Variants in KIAA1958 observed in about 807,000 individuals in gnomAD.
KIAA1958 encodes the protein uncharacterized protein KIAA1958.
A neutral mutation model predicts 47.2 loss-of-function variants in KIAA1958; 14 were observed. The ratio of observed to expected loss-of-function variants is 0.30; its 90% CI spans 0.20 to 0.46. The LOEUF (loss-of-function observed/expected upper bound fraction) is 0.46, where lower values mean the gene tolerates loss of function less well. KIAA1958 is among the 20% of genes least tolerant of loss of function. The pLI, the probability that KIAA1958 is intolerant of heterozygous loss-of-function variation, is 1.00. For missense variants in KIAA1958, 803 were observed against 909.2 expected (o/e 0.88, Z 1.50); for synonymous variants, 354 against 353.3 (o/e 1.00, Z -0.02).
intron 2 of KIAA1958, among the ~76,000 whole-genome samples, chr9:112,614,586 C>T (rs1836379653): frequency 1.3e-5 from 2 of 152,176 alleles, no homozygotes; most frequent in African/African-American, 4.8e-5. Context: ...CTATTTCTTT[C>T]CCTCTTACTC....
intron 2 of KIAA1958, among the ~76,000 whole-genome samples, chr9:112,641,117 C>A (rs796126250): frequency 2.0e-5 from 3 of 152,198 alleles, no homozygotes; most frequent in African/African-American, 7.2e-5. Flanking sequence ...GTCTTATACC[C>A]TGTATCTTCC....
intron 3 of KIAA1958, among the ~76,000 whole-genome samples, chr9:112,652,944 C>G (rs1353495612): frequency 1.3e-5 from 2 of 152,150 alleles, no homozygotes. Context: ...TAGTGCCAAT[C>G]ATGTATTTCG....
chr9:112,637,680 C>A (rs1469312649), intron 2 of KIAA1958, among the ~76,000 whole-genome samples: 1 of 151,996 alleles, frequency 6.6e-6, no homozygotes, highest in Non-Finnish European at 1.5e-5. Flanking sequence ...CTGGCCTTAC[C>A]TTTATTTTTG....
At chr9:112,584,679 T>C (rs1480260883) in intron 2 of KIAA1958, among the ~76,000 whole-genome samples, 1 of 152,248 alleles carries the variant, frequency 6.6e-6, no homozygotes, top group Non-Finnish European at 1.5e-5. Flanking sequence ...AAAATGTCTG[T>C]TATCTATGCA....
intron 2 of KIAA1958, among the ~76,000 whole-genome samples, chr9:112,635,215 TGTGTGTG>T (rs1170474757): frequency 3.4e-4 from 1 of 2,980 alleles, no homozygotes; most frequent in Non-Finnish European, 1.8e-3. Flanking sequence ...TTCTTTATTT[TGTGTGTG>T]TGTGTGTGTG....
At chr9:112,571,162 A>G (rs1227198870) in intron 1 of KIAA1958, among the ~76,000 whole-genome samples, 1 of 152,116 alleles carries the variant, frequency 6.6e-6, no homozygotes, top group East Asian at 1.9e-4. Flanking sequence ...TTACAGACAC[A>G]CCCCCAAATA....
intron 2 of KIAA1958, among the ~76,000 whole-genome samples, chr9:112,632,200 T>C (rs1041239700): frequency 6.6e-6 from 1 of 152,124 alleles, no homozygotes; most frequent in Admixed American, 6.5e-5. Context: ...ATCGTTTTAT[T>C]TTTCATATAA....
intron 1 of KIAA1958, among the ~76,000 whole-genome samples, chr9:112,508,789 C>T (rs2132775958): frequency 6.6e-6 from 1 of 150,514 alleles, no homozygotes; most frequent in African/African-American, 2.4e-5. Flanking sequence ...TACCATAAAG[C>T]TGATTGTGTA....
chr9:112,646,394 CTG>C (rs1322445045), intron 3 of KIAA1958, among the ~76,000 whole-genome samples: 1 of 152,184 alleles, frequency 6.6e-6, no homozygotes, highest in African/African-American at 2.4e-5. Context: ...AGGGAAAACA[CTG>C]TGACCATAAA....
intron 1 of KIAA1958, among the ~76,000 whole-genome samples, chr9:112,537,929 T>C (rs1287890327): frequency 6.6e-6 from 1 of 151,748 alleles, no homozygotes; most frequent in East Asian, 1.9e-4. Context: ...CCAACACAAA[T>C]AGAGGGAAGA....
intron 1 of KIAA1958, among the ~76,000 whole-genome samples, chr9:112,487,527 C>T (rs955077441): frequency 2.0e-5 from 3 of 152,250 alleles, no homozygotes; most frequent in East Asian, 1.9e-4. Context: ...AAAGGTCTGT[C>T]CTCTTAGTTT....
At chr9:112,615,145 G>A (rs1836389009) in intron 2 of KIAA1958, among the ~76,000 whole-genome samples, 1 of 152,254 alleles carries the variant, frequency 6.6e-6, no homozygotes, top group Non-Finnish European at 1.5e-5. Context: ...GAGGAGGCCG[G>A]GCATGGTGGC....
Position 112,641,284 on chromosome 9 carries a change from T to C in KIAA1958, c.1172-4366T>C, listed in dbSNP as rs537232830. Among the ~76,000 whole-genome samples, 22 of 152,034 alleles carry C rather than the reference T, an allele frequency of 1.4e-4. No individual in the cohort carries two copies. In the South Asian group the frequency reaches 2.5e-3, roughly 17 times the overall value. On this transcript the variant is annotated intron_variant, in intron 2 of 3. Transcript: ENST00000337530. ...TGCTTTAGGTAGGTAATAAATTTCT[T>C]CATTTACAGTCTTTTTCCCTTACAA...
intron 1 of KIAA1958, among the ~76,000 whole-genome samples, chr9:112,538,007 A>C (rs1467883631): frequency 6.6e-6 from 1 of 152,122 alleles, no homozygotes; most frequent in African/African-American, 2.4e-5. Flanking sequence ...TTATTAGGCT[A>C]AATGTGAGCA....
Position 112,664,865 on chromosome 9 carries a change from C to T in KIAA1958, c.*4796C>T, listed in dbSNP as rs1484991909. On this transcript the variant is annotated 3_prime_UTR_variant, in exon 4 of 4. Transcript: ENST00000337530. ...GTCTGATATGTGTATTCTGACATAA[C>T]AGAATTTCCCAAGACTTCTTTGAGG... 1 of 152,160 alleles carries T rather than the reference C, an allele frequency of 6.6e-6. No individual in the cohort carries two copies. The highest frequency in any genetic ancestry group is 1.5e-5 in the Non-Finnish European group (1 of 68,030). The allele number at this position is 152,160 out of a possible 1,614,324, so 9.4% of individuals were successfully genotyped here.
chr9:112,638,434 C>G (rs947180294), intron 2 of KIAA1958, among the ~76,000 whole-genome samples: 1 of 151,888 alleles, frequency 6.6e-6, no homozygotes, highest in Non-Finnish European at 1.5e-5. Flanking sequence ...CCCAGGAGCA[C>G]GAGGCTGCAA....
chr9:112,657,219 C>T (rs962212096), intron 3 of KIAA1958, among the ~76,000 whole-genome samples: 45 of 152,224 alleles, frequency 3.0e-4, no homozygotes, highest in African/African-American at 9.1e-4. Flanking sequence ...TCCCAAGTAG[C>T]TGGGACTGGA....
At chr9:112,538,637 A>C (rs550937337) in intron 1 of KIAA1958, among the ~76,000 whole-genome samples, 1 of 152,362 alleles carries the variant, frequency 6.6e-6, no homozygotes, top group East Asian at 1.9e-4. Flanking sequence ...ATCAAGTATC[A>C]TATCAGGCAA....
At chr9:112,510,272 T>G (rs141495589) in intron 1 of KIAA1958, among the ~76,000 whole-genome samples, 1 of 152,156 alleles carries the variant, frequency 6.6e-6, no homozygotes, top group Non-Finnish European at 1.5e-5. Context: ...TTGTGAAGAT[T>G]AAGTGAATCA....
Sources: allele counts gnomAD v4.1 joint callset (sites outside exome capture counted in the v4.1 genomes callset), GRCh38; gene constraint gnomAD v4.1.1; transcripts MANE v1.5; gene names NCBI Gene and HGNC (gene_info 2026-07-23, HGNC 2026-07-21).